Variants in GPHN observed in about 807,000 individuals in gnomAD.
GPHN encodes gephyrin.
A neutral mutation model predicts 95.5 loss-of-function variants in GPHN; 17 were observed. That is an observed-to-expected ratio of 0.18 (90% CI 0.12 to 0.27). The LOEUF is 0.27. Ranked by LOEUF, GPHN falls within the 10% of genes least tolerant of loss-of-function variation. GPHN has a pLI of 1.00. For missense variants in GPHN, 660 were observed against 978.1 expected, an observed-to-expected ratio of 0.67 and a Z score of 4.34; for synonymous variants, 320 against 322.5, an observed-to-expected ratio of 0.99 and a Z score of 0.08.
chr14:67,276,367 T>C, the GPHN span, among the ~76,000 whole-genome samples: 1 of 152,194 alleles, frequency 6.6e-6, no homozygotes, highest in Non-Finnish European at 1.5e-5. Context: ...CATGTGAGCC[T>C]GTCTGCCTGG....
chr14:67,698,439 T>G, the GPHN span, among the ~76,000 whole-genome samples: 1 of 152,158 alleles, frequency 6.6e-6, no homozygotes, highest in Admixed American at 6.5e-5. Flanking sequence ...CACTCCACCC[T>G]GGGTGGCAGA....
At chr14:67,321,275 TG>T in the GPHN span, 1 of 1,612,838 alleles carries the variant, frequency 6.2e-7, no homozygotes, top group Non-Finnish European at 8.5e-7. Flanking sequence ...GCTAGAACTT[TG>T]TTTTAGGGTT....
At position 67,171,031 on chromosome 14, in the gene GPHN, G is replaced by A. The variant is rs184277841; in HGVS notation, c.2079+1995G>A. On this transcript the variant is annotated intron_variant, in intron 21 of 22. Transcript: ENST00000478722. The stretch of plus-strand genomic sequence containing the variant: ...AAATCATACTGTTGGACTCTGATGT[G>A]GCCATTCTGTGTGTCAGTGCAGAAA... Among the ~76,000 whole-genome samples, 3 of 152,114 alleles carry A rather than the reference G, an allele frequency of 2.0e-5. No homozygotes were observed. In the East Asian group the frequency reaches 5.8e-4, roughly 29 times the overall value.
At chr14:66,778,601 C>T (rs1021000570) in intron 3 of GPHN, among the ~76,000 whole-genome samples, 4 of 151,710 alleles carry the variant, frequency 2.6e-5, no homozygotes, top group African/African-American at 9.7e-5. Context: ...GTAAAGATCT[C>T]AACAAATCAC....
the GPHN span, among the ~76,000 whole-genome samples, chr14:67,475,077 G>A: frequency 5.9e-5 from 9 of 152,040 alleles, no homozygotes; most frequent in South Asian, 1.7e-3. Flanking sequence ...CATCATGCCC[G>A]GCTAATTTTT....
intron 2 of GPHN, among the ~76,000 whole-genome samples, chr14:66,727,022 A>G (rs2071307337): frequency 1.3e-5 from 2 of 152,168 alleles, no homozygotes; most frequent in African/African-American, 4.8e-5. Flanking sequence ...CAATTCCCAC[A>G]TGTCATAGGA....
At chr14:67,592,621 T>C in the GPHN span, 3 of 1,512,018 alleles carry the variant, frequency 2.0e-6, no homozygotes, top group Admixed American at 3.4e-5. Flanking sequence ...ATGGTAAAAG[T>C]ATTCTATGCT....
At chr14:67,725,124 A>C in the GPHN span, 1 of 1,614,134 alleles carries the variant, frequency 6.2e-7, no homozygotes, top group Non-Finnish European at 8.5e-7. Flanking sequence ...TTGCCTGCAG[A>C]GATGTACTGA....
intron 2 of GPHN, among the ~76,000 whole-genome samples, chr14:66,741,016 G>A (rs2153440224): frequency 6.6e-6 from 1 of 152,298 alleles, no homozygotes; most frequent in East Asian, 1.9e-4. Flanking sequence ...GGGCAAGAGA[G>A]CATGTGTGTG....
At chr14:67,339,532 C>T in the GPHN span, among the ~76,000 whole-genome samples, 11 of 152,236 alleles carry the variant, frequency 7.2e-5, no homozygotes, top group Non-Finnish European at 1.2e-4. Context: ...TTCTCTGAAC[C>T]GAGTATACAG....
chr14:67,208,263 T>G, the GPHN span: 2 of 1,613,988 alleles, frequency 1.2e-6, no homozygotes, highest in Non-Finnish European at 1.7e-6. Flanking sequence ...AAGAGTGAGT[T>G]GAAAGAATCC....
the GPHN span, among the ~76,000 whole-genome samples, chr14:67,681,041 C>A: frequency 6.6e-6 from 1 of 152,136 alleles, no homozygotes; most frequent in South Asian, 2.1e-4. Context: ...TATGTTGAAT[C>A]CCTAACCCCC....
chr14:66,634,357 T>C (rs1397666995), intron 1 of GPHN, among the ~76,000 whole-genome samples: 1 of 152,198 alleles, frequency 6.6e-6, no homozygotes, highest in Non-Finnish European at 1.5e-5. Flanking sequence ...TTTTGTATGA[T>C]ACTTCACCTG....
chr14:67,584,402 G>T, the GPHN span, among the ~76,000 whole-genome samples: 1 of 152,196 alleles, frequency 6.6e-6, no homozygotes, highest in Non-Finnish European at 1.5e-5. Flanking sequence ...CCTCTCAAGA[G>T]TGCTTTCATT....
At chr14:67,022,715 C>G (rs2073723763) in intron 9 of GPHN, among the ~76,000 whole-genome samples, 1 of 148,280 alleles carries the variant, frequency 6.7e-6, no homozygotes, top group Non-Finnish European at 1.5e-5. Context: ...TTGCAACATT[C>G]CTTTCATAAG....
chr14:66,646,118 C>G (rs566695419), intron 1 of GPHN, among the ~76,000 whole-genome samples: 15 of 152,072 alleles, frequency 9.9e-5, no homozygotes, highest in African/African-American at 3.4e-4. Flanking sequence ...CAAAAAAAAA[C>G]TAGATTAAAA....
At chr14:67,601,176 A>G in the GPHN span, among the ~76,000 whole-genome samples, 1 of 152,218 alleles carries the variant, frequency 6.6e-6, no homozygotes, top group African/African-American at 2.4e-5. Flanking sequence ...TCTAAGTAAG[A>G]GGACACTGAG....
chr14:66,935,005 A>C (rs112960874), intron 8 of GPHN, among the ~76,000 whole-genome samples: 2,302 of 152,342 alleles, frequency 0.015, 33 homozygotes, highest in Non-Finnish European at 0.018. Context: ...ACCTGATTCA[A>C]GAGGATAGAG....
chr14:66,669,678 G>C (rs2066187991), intron 1 of GPHN, among the ~76,000 whole-genome samples: 2 of 151,554 alleles, frequency 1.3e-5, no homozygotes, highest in African/African-American at 4.8e-5. Flanking sequence ...CTTGCTGATT[G>C]TTTTCGCATG....
Sources: allele counts gnomAD v4.1 joint callset (sites outside exome capture counted in the v4.1 genomes callset), GRCh38; gene constraint gnomAD v4.1.1; transcripts MANE v1.5; gene names NCBI Gene and HGNC (gene_info 2026-07-23, HGNC 2026-07-21).